WDR33: variants seen among roughly 807,000 people sequenced by gnomAD.
The protein encoded by WDR33 is pre-mRNA 3' end processing protein WDR33.
A neutral mutation model predicts 164.9 loss-of-function variants in WDR33; 47 were observed. The observed-to-expected ratio is 0.29, with a 90% CI of 0.23 to 0.36. The LOEUF is 0.36. WDR33 is among the 10% of genes least tolerant of loss of function. WDR33 has a pLI of 1.00. For missense variants in WDR33, 1,137 were observed against 1,754.1 expected, an observed-to-expected ratio of 0.65 and a Z score of 6.28; for synonymous variants, 505 against 589.0, an observed-to-expected ratio of 0.86 and a Z score of 2.06.
At position 127,714,120 on chromosome 2, in the gene WDR33, T is replaced by A; in HGVS notation, c.2870-99A>T. On this transcript the variant is annotated intron_variant, in intron 17 of 21. Transcript: ENST00000322313. This position sits in a 1 kb window ranked among gnomAD's most constrained non-coding sequence, Gnocchi z 4.3. ...CTACATTTCAGAATACATTCTTTAT[T>A]GAGAATGTTTTCCCTCCTTGGTTCT... 1.6e-6 allele frequency: 2 copies of A among 1,266,684 alleles called. No homozygotes were observed. Among genetic ancestry groups the A allele is most frequent in the Non-Finnish European group, 2.1e-6 (2 of 962,568 alleles). 78.5% of individuals were successfully genotyped at this position (1,266,684 alleles called of 1,614,324 possible).
intron 1 of WDR33, among the ~76,000 whole-genome samples, chr2:127,787,453 A>C (rs1688624228): frequency 7.6e-6 from 1 of 132,204 alleles, no homozygotes; most frequent in Non-Finnish European, 1.6e-5. Flanking sequence ...GGCGCCCCTC[A>C]CCTCCCGGAC....
At chr2:127,752,140 T>C (rs1687384119) in intron 7 of WDR33, among the ~76,000 whole-genome samples, 1 of 152,238 alleles carries the variant, frequency 6.6e-6, no homozygotes, top group Non-Finnish European at 1.5e-5. Flanking sequence ...TCATCCAAGA[T>C]GGCAAAAAGA....
At position 127,712,007 on chromosome 2, in the gene WDR33, C is replaced by T. The variant is rs1386848530; in HGVS notation, c.3308+1576G>A. Among the ~76,000 whole-genome samples, 3 of 150,840 alleles carry T rather than the reference C, an allele frequency of 2.0e-5. No homozygotes were observed. Among genetic ancestry groups the T allele is most frequent in the African/African-American group, 4.9e-5 (2 of 41,020 alleles). Reference sequence around the variant, plus strand: ...CAGGCTGGTCTCGAACTCCTGACCTCGTGATACACCCACCTCGGCCTCCCA... The same window carrying T: ...CAGGCTGGTCTCGAACTCCTGACCTTGTGATACACCCACCTCGGCCTCCCA... On this transcript the variant is annotated intron_variant, in intron 18 of 21. Transcript: ENST00000322313. This position sits in a 1 kb window ranked among gnomAD's most constrained non-coding sequence, Gnocchi z 4.0.
chr2:127,737,363 A>ATG lies in WDR33; in HGVS notation c.725-10588_725-10587dup, dbSNP rs908445907. 9.0e-5 allele frequency: 89 copies of ATG among 985,388 alleles called. No homozygotes were observed. The African/African-American group carries it at 1.4e-3, about 15-fold the overall frequency. The allele number at this position is 985,388 out of a possible 1,614,324, so 61.0% of individuals were successfully genotyped here. A position where few individuals can be genotyped will look rare whatever the true frequency, so the allele number is the denominator to read the frequency against. On this transcript the variant is annotated intron_variant, in intron 7 of 21. Coordinates refer to ENST00000322313, the MANE Select transcript of WDR33 (RefSeq NM_018383.5). ...AGTACTCTGAGGTGTGTGTGTACAT[A>ATG]TGTGTGTGTGTATGTTCGGGCACAT...
intron 1 of WDR33, among the ~76,000 whole-genome samples, chr2:127,809,426 T>TC (rs1689562776): frequency 6.8e-6 from 1 of 146,274 alleles, no homozygotes; most frequent in African/African-American, 2.6e-5. Flanking sequence ...TAAGCCAAAT[T>TC]CCTTTTTTTT....
At chr2:127,734,576 C>G (rs542254297) in intron 7 of WDR33, among the ~76,000 whole-genome samples, 1 of 152,296 alleles carries the variant, frequency 6.6e-6, no homozygotes, top group South Asian at 2.1e-4. Flanking sequence ...ATGTACTCTT[C>G]CACTTCCACT....
chr2:127,772,890 A>C (rs1189990773), intron 1 of WDR33, among the ~76,000 whole-genome samples: 2 of 151,834 alleles, frequency 1.3e-5, no homozygotes, highest in Admixed American at 1.3e-4. Flanking sequence ...TGGGGGGCCA[A>C]GCAGGAGGAC....
intron 8 of WDR33, among the ~76,000 whole-genome samples, chr2:127,725,874 A>G (rs1164003310): frequency 6.6e-6 from 1 of 152,170 alleles, no homozygotes; most frequent in East Asian, 1.9e-4. Flanking sequence ...AGCTCATTAC[A>G]TTTTGAAACT....
chr2:127,791,185 G>A (rs1047993945), intron 1 of WDR33, among the ~76,000 whole-genome samples: 9 of 48,012 alleles, frequency 1.9e-4, no homozygotes, highest in Admixed American at 1.2e-3. Context: ...CAGCAACTGC[G>A]TCTCACTCTG....
intron 7 of WDR33, among the ~76,000 whole-genome samples, chr2:127,761,156 T>A (rs1687661101): frequency 6.6e-6 from 1 of 152,202 alleles, no homozygotes; most frequent in Admixed American, 6.5e-5. Flanking sequence ...TAGATCAGAC[T>A]TCAGTTAATA....
intron 7 of WDR33, among the ~76,000 whole-genome samples, chr2:127,761,443 G>A (rs1471070604): frequency 2.0e-5 from 3 of 152,044 alleles, no homozygotes; most frequent in Non-Finnish European, 4.4e-5. Context: ...CTCGTGATCC[G>A]CCCACCTCGG....
intron 7 of WDR33, among the ~76,000 whole-genome samples, chr2:127,745,415 C>T (rs998873762): frequency 6.6e-6 from 1 of 152,148 alleles, no homozygotes; most frequent in African/African-American, 2.4e-5. Flanking sequence ...AACCAACATA[C>T]TGAACACAAA....
rs1313182298 is a variant in WDR33 at position 127,794,852 on chromosome 2, AG to A, written c.-24+16159del. Among the ~76,000 whole-genome samples the A allele has an allele frequency of 1.5e-3, 226 of 148,064 alleles. 1 individual carries two copies. Among genetic ancestry groups the A allele is most frequent in the African/African-American group, 5.6e-3 (217 of 38,854 alleles). Reference sequence around the variant, plus strand: ...CCGTTTCAAAAAAAAAAAAAAAAAAAGAAAGAAAGAAAGAAATACTTTCAAG... The same window carrying A: ...CCGTTTCAAAAAAAAAAAAAAAAAAAAAAGAAAGAAAGAAATACTTTCAAG... On this transcript the variant is annotated intron_variant, in intron 1 of 21. Transcript: ENST00000322313.
intron 7 of WDR33, among the ~76,000 whole-genome samples, chr2:127,757,052 G>C (rs558375340): frequency 6.6e-6 from 1 of 151,350 alleles, no homozygotes; most frequent in Admixed American, 6.6e-5. Flanking sequence ...ACTCCAGCCT[G>C]GGTGACAGAC....
At chr2:127,711,780 A>G (rs13035652) in intron 18 of WDR33, among the ~76,000 whole-genome samples, 9 of 88,320 alleles carry the variant, frequency 1.0e-4, no homozygotes. Flanking sequence ...ATATATATAT[A>G]TTTTTTTTTT....
In WDR33 at chr2:127,706,800, G is replaced by A. The variant is rs571355957; in HGVS notation, c.3782-248C>T. Among the ~76,000 whole-genome samples, 7 of 152,294 alleles carry A rather than the reference G, an allele frequency of 4.6e-5. No homozygotes were observed. The highest frequency in any genetic ancestry group is 7.2e-5 in the African/African-American group (3 of 41,558). On this transcript the variant is annotated intron_variant, in intron 21 of 21. Transcript: ENST00000322313. The surrounding 1 kb of genome is among the most constrained non-coding windows in gnomAD (Gnocchi z 5.1). ...ATGCCCCCAGGGCTGTGTGACAGAC[G>A]ACAGGAAGCCAAGAGATGAGCAAGG...
At chr2:127,790,305 G>A (rs1368190480) in intron 1 of WDR33, among the ~76,000 whole-genome samples, 1 of 152,128 alleles carries the variant, frequency 6.6e-6, no homozygotes, top group African/African-American at 2.4e-5. Flanking sequence ...TGATCACAAT[G>A]TATTATCCTT....
At chr2:127,747,767 G>A (rs1446015836) in intron 7 of WDR33, among the ~76,000 whole-genome samples, 1 of 152,034 alleles carries the variant, frequency 6.6e-6, no homozygotes, top group Non-Finnish European at 1.5e-5. Flanking sequence ...CGAGCATGTC[G>A]CTGCTACTAA....
At chr2:127,762,787 C>A in intron 7 of WDR33, 1 of 1,193,372 alleles carries the variant, frequency 8.4e-7, no homozygotes, top group South Asian at 2.2e-5. Flanking sequence ...AAAAGGAATA[C>A]AGCCCTAAAA....
Sources: gnomAD v4.1 joint callset for allele counts (sites outside exome capture counted in the v4.1 genomes callset) on GRCh38, gnomAD v4.1.1 for gene constraint, Gnocchi (gnomAD v3.1) non-coding constraint, MANE v1.5 for transcripts, NCBI Gene and HGNC (gene_info 2026-07-23, HGNC 2026-07-21) for gene names.